Variants in GPR179 observed in about 807,000 individuals in gnomAD.
GPR179 encodes the protein probable G protein-coupled receptor 179.
In GPR179, 52 loss-of-function variants were observed where a neutral mutation model predicts 70.8. The ratio of observed to expected loss-of-function variants is 0.73; its 90% CI spans 0.59 to 0.93. GPR179 has a LOEUF of 0.93. Among genes scored for constraint, GPR179 ranks in the 40% least tolerant of loss-of-function variants. The pLI is 0.00. For missense variants in GPR179, 2,734 were observed against 2,966.8 expected, an observed-to-expected ratio of 0.92 and a Z score of 1.82; for synonymous variants, 1,123 against 1,169.0, an observed-to-expected ratio of 0.96 and a Z score of 0.80.
At chr17:38,332,934 G>A (rs1342577326) in intron 10 of GPR179, among the ~76,000 whole-genome samples, 6 of 152,224 alleles carry the variant, frequency 3.9e-5, no homozygotes, top group Non-Finnish European at 5.9e-5. Flanking sequence ...GACTGCCCCC[G>A]ACCTGATGCC....
At position 38,339,394 on chromosome 17, in the gene GPR179, C is replaced by A. The variant is rs200278245; in HGVS notation, c.903+23G>T. ...GGAGGGAGGCAGGACTCTAGTAGCG[C>A]CCCCCATCCTCCTCATCCTTACCTG... On this transcript the variant is annotated intron_variant, in intron 2 of 10. Coordinates refer to ENST00000616987, the MANE Select transcript of GPR179 (RefSeq NM_001004334.4). The A allele has an allele frequency of 8.1e-6, 12 of 1,473,866 alleles. No individual in the cohort carries two copies. The East Asian group carries it at 2.5e-4, about 31-fold the overall frequency. 91.3% of individuals were successfully genotyped at this position (1,473,866 alleles called of 1,614,324 possible).
rs2037275075 is a variant in GPR179 at position 38,325,255 on chromosome 17, A to C, written c.*1210T>G. On this transcript the variant is annotated 3_prime_UTR_variant, in exon 11 of 11. Transcript: ENST00000616987. ...AACTGACGAGAGAAGGGAGCCAAGA[A>C]AGAGAGAGCTCCCTAAGAAAGAAGG... Among the ~76,000 whole-genome samples, 1 of 152,186 alleles carries C rather than the reference A, an allele frequency of 6.6e-6. No individual in the cohort carries two copies.
At chr17:38,339,393 G>T in intron 2 of GPR179, 24 bp downstream of exon 2, 1 of 1,461,296 alleles carries the variant, frequency 6.8e-7, no homozygotes, top group Non-Finnish European at 9.6e-7. Flanking sequence ...CTCTAGTAGC[G>T]CCCCCCATCC....
chr17:38,339,299 A>T (rs1217785173), intron 2 of GPR179, 118 bp downstream of exon 2: 1 of 655,616 alleles, frequency 1.5e-6, no homozygotes, highest in African/African-American at 1.8e-5. Context: ...ACTCCCCTGA[A>T]GCCCTGAGAT....
chr17:38,336,690 T>G (rs890977831), intron 4 of GPR179, among the ~76,000 whole-genome samples: 1 of 152,144 alleles, frequency 6.6e-6, no homozygotes, highest in East Asian at 1.9e-4. Flanking sequence ...CTTCCTCCAT[T>G]AAACTGGGAA....
Position 38,334,550 on chromosome 17 carries a change from G to C in GPR179, c.1784+154C>G, listed in dbSNP as rs922102895. Among the ~76,000 whole-genome samples, 2 of 151,968 alleles carry C rather than the reference G, an allele frequency of 1.3e-5. No homozygotes were observed. The highest frequency in any genetic ancestry group is 2.9e-5 in the Non-Finnish European group (2 of 67,960). On this transcript the variant is annotated intron_variant, in intron 8 of 10. Coordinates refer to ENST00000616987, the MANE Select transcript of GPR179 (RefSeq NM_001004334.4). This position sits in a 1 kb window ranked among gnomAD's most constrained non-coding sequence, Gnocchi z 4.7. The stretch of plus-strand genomic sequence containing the variant: ...CATGGAGTACAGAAGGGGCATCTGG[G>C]GGGTAGGGAGAGAGCCAGAAGTGGG...
rs1163413830 is a variant in GPR179, at chr17:38,328,131, T to G, written c.5438A>C (p.Glu1813Ala). Residue 1813 changes from glutamate to alanine, a missense_variant, in exon 11 of 11, where the codon GAA becomes GCA. Transcript: ENST00000616987. ...PWEAQEAATS[E>A]KAKICPWEVS... is the part of the protein sequence containing the mutation. ...CTCCCAGGGACAGATCTTGGCTTTT[T>G]CACTGGTAGCAGCTTCCTGTGCTTC... 7 of 1,609,970 alleles carry G rather than the reference T, an allele frequency of 4.3e-6. No individual in the cohort carries two copies. Among genetic ancestry groups the G allele is most frequent in the Non-Finnish European group, 5.9e-6 (7 of 1,178,702 alleles).
Position 38,328,228 on chromosome 17 carries a change from C to T in GPR179, c.5341G>A (p.Ala1781Thr). 6.2e-7 allele frequency: 1 copy of T among 1,613,728 alleles called. No individual in the cohort carries two copies. ...ACSQHPGTLD[A>T]DGPKAGFQEL... ...TGGAACCCAGCTTTTGGTCCATCAGCATCTAGAGTACCTGGATGCTGAGAA... is the reference window on the plus strand; with the variant it reads ...TGGAACCCAGCTTTTGGTCCATCAGTATCTAGAGTACCTGGATGCTGAGAA... The change falls in exon 11 of 11, where the codon GCT becomes ACT. Residue 1781 changes from alanine to threonine, a missense_variant. Physicochemically the swap from Ala to Thr is moderately conservative, Grantham distance 58. Transcript: ENST00000616987.
rs201661414 is a variant in GPR179 at position 38,343,152 on chromosome 17, T to C, written c.638A>G (p.Lys213Arg). The C allele has an allele frequency of 1.9e-6, 3 of 1,614,028 alleles. No individual in the cohort carries two copies. The highest frequency in any genetic ancestry group is 1.7e-5 in the Admixed American group (1 of 59,998). The change falls in exon 1 of 11, where the codon AAG becomes AGG. Residue 213 changes from lysine (K) to arginine (R), a missense_variant. Transcript: ENST00000616987. The surrounding 1 kb of genome is among the most constrained non-coding windows in gnomAD (Gnocchi z 4.2). ...TNDLGSLGSPKWPQADGYVGD... is the reference protein window; with the variant it reads ...TNDLGSLGSPRWPQADGYVGD... ...CACATATCCATCTGCCTGCGGCCACTTGGGGCTGCCGAGGCTCCCTAGGTC... is the reference window on the plus strand; with the variant it reads ...CACATATCCATCTGCCTGCGGCCACCTGGGGCTGCCGAGGCTCCCTAGGTC...
chr17:38,329,702 C>G lies in GPR179; in HGVS notation c.3867G>C (p.Lys1289Asn), dbSNP rs377272189. 57 of 1,614,058 alleles carry G rather than the reference C, an allele frequency of 3.5e-5. No individual in the cohort carries two copies. Among genetic ancestry groups the G allele is most frequent in the Admixed American group, 5.0e-5 (3 of 60,012 alleles). Residue 1289 changes from lysine (K) to asparagine (N), a missense_variant, in exon 11 of 11, where the codon AAG (lysine) becomes AAC (asparagine). Physicochemically the swap from Lys to Asn is moderately conservative, Grantham distance 94. Coordinates refer to ENST00000616987, the MANE Select transcript of GPR179 (RefSeq NM_001004334.4). ...LRQDPGDSQK[K>N]RGEARGKSEP... ...CTGATTTTCCCCGGGCCTCCCCTCT[C>G]TTTTTTTGGGAGTCACCTGGGTCTT...
chr17:38,342,081 C>A (rs2037453300), intron 1 of GPR179, among the ~76,000 whole-genome samples: 1 of 151,952 alleles, frequency 6.6e-6, no homozygotes, highest in South Asian at 2.1e-4. Context: ...TGCACCACTG[C>A]ACTATAGCCT....
At chr17:38,335,320 C>T (rs1676569471) in intron 6 of GPR179, 49 bp from the exon 7 acceptor site, 1 of 1,411,238 alleles carries the variant, frequency 7.1e-7, no homozygotes, top group Non-Finnish European at 9.7e-7. Flanking sequence ...CTGGGTGGAT[C>T]ACGAAGAGGG....
In GPR179 at chr17:38,326,587, G is replaced by A; in HGVS notation, c.6982C>T (p.Pro2328Ser). 6.2e-7 allele frequency: 1 copy of A among 1,614,176 alleles called. No homozygotes were observed. The highest frequency in any genetic ancestry group is 1.1e-5 in the South Asian group (1 of 91,088). The change falls in exon 11 of 11, where the codon CCA becomes TCA. Residue 2328 changes from proline to serine, a missense_variant. Transcript: ENST00000616987. ...LEPRTSLAPE[P>S]SLQEAESQSS... Reference sequence around the variant, plus strand: ...TGAGACTCAGCTTCCTGGAGACTTGGCTCTGGGGCTAAGCTGGTCCTTGGC... The same window carrying A: ...TGAGACTCAGCTTCCTGGAGACTTGACTCTGGGGCTAAGCTGGTCCTTGGC...
rs1441253882 is a variant in GPR179, at chr17:38,325,669, A to C, written c.*796T>G. On this transcript the variant is annotated 3_prime_UTR_variant, in exon 11 of 11. Transcript: ENST00000616987. ...CCTAAAAAACTAGCAAGAGGCACAC[A>C]AGGATGTCTGGAAGGAAGAGCTCCC... The C allele has an allele frequency of 6.6e-6, 1 of 152,354 alleles. No individual in the cohort carries two copies. Among genetic ancestry groups the C allele is most frequent in the Non-Finnish European group, 1.5e-5 (1 of 68,114 alleles). The allele number at this position is 152,354 out of a possible 1,614,324, so 9.4% of individuals were successfully genotyped here. A position where few individuals can be genotyped will look rare whatever the true frequency, so the allele number is the denominator to read the frequency against.
At position 38,326,598 on chromosome 17, in the gene GPR179, A is replaced by G. The variant is rs776488508; in HGVS notation, c.6971T>C (p.Leu2324Ser). 1.9e-6 allele frequency: 3 copies of G among 1,614,194 alleles called. No individual in the cohort carries two copies. The highest frequency in any genetic ancestry group is 2.5e-6 in the Non-Finnish European group (3 of 1,180,022). The change falls in exon 11 of 11, where the codon TTA (leucine) becomes TCA (serine). Residue 2324 changes from leucine to serine, a missense_variant. Leu to Ser is a moderately radical substitution (Grantham distance 145). Coordinates refer to ENST00000616987, the MANE Select transcript of GPR179 (RefSeq NM_001004334.4). The part of the protein sequence containing the change: ...GPSGLEPRTS[L>S]APEPSLQEAE... ...TTCCTGGAGACTTGGCTCTGGGGCT[A>G]AGCTGGTCCTTGGCTCAAGCCCTGA...
Position 38,329,991 on chromosome 17 carries a change from T to C in GPR179, c.3578A>G (p.Glu1193Gly). ...GGCAAGCCCTGTTTTACCTGCTCTCTCAGCTTTCCGTTCCCCTAGACCCTG... is the reference window on the plus strand; with the variant it reads ...GGCAAGCCCTGTTTTACCTGCTCTCCCAGCTTTCCGTTCCCCTAGACCCTG... ...MTQGLGERKA[E>G]RAGKTGLAML... Residue 1193 changes from glutamate to glycine, a missense_variant, in exon 11 of 11, where the codon GAG becomes GGG. Physicochemically the swap from Glu to Gly is moderately conservative, Grantham distance 98 (BLOSUM62 -2). Coordinates refer to ENST00000616987, the MANE Select transcript of GPR179 (RefSeq NM_001004334.4). 2 of 1,614,242 alleles carry C rather than the reference T, an allele frequency of 1.2e-6. No homozygotes were observed. Among genetic ancestry groups the C allele is most frequent in the South Asian group, 2.2e-5 (2 of 91,082 alleles).
intron 1 of GPR179, among the ~76,000 whole-genome samples, chr17:38,340,016 T>C (rs2037436664): frequency 6.6e-6 from 1 of 152,174 alleles, no homozygotes; most frequent in South Asian, 2.1e-4. Context: ...CCTGGCTGAG[T>C]TTCCCTATTT....
In GPR179 at chr17:38,335,634, C is replaced by A; in HGVS notation, c.1363G>T (p.Gly455Cys). 1 of 1,614,092 alleles carries A rather than the reference C, an allele frequency of 6.2e-7. No individual in the cohort carries two copies. The highest frequency in any genetic ancestry group is 8.5e-7 in the Non-Finnish European group (1 of 1,179,974). Residue 455 changes from glycine to cysteine, a missense_variant, in exon 6 of 11, where the codon GGT becomes TGT. Transcript: ENST00000616987. ...CIALRWVRLL[G>C]FAIVYGTIIL... ...ATGGTGCCGTAGACGATGGCAAAAC[C>A]CAGCAGCCGCACCCAGCGAAGAGCG...
At chr17:38,336,597 T>C (rs1367019099) in intron 4 of GPR179, among the ~76,000 whole-genome samples, 1 of 152,204 alleles carries the variant, frequency 6.6e-6, no homozygotes, top group Non-Finnish European at 1.5e-5. Flanking sequence ...GCAGGATGAC[T>C]TTCTGTAAGC....
Sources: allele counts gnomAD v4.1 joint callset (sites outside exome capture counted in the v4.1 genomes callset), GRCh38; gene constraint gnomAD v4.1.1; non-coding constraint Gnocchi (gnomAD v3.1); transcripts MANE v1.5; gene names NCBI Gene and HGNC (gene_info 2026-07-23, HGNC 2026-07-21).